Variants in NELL2 observed in about 807,000 individuals in gnomAD.
NELL2 encodes the protein neural EGFL like 2, also known as protein kinase C-binding protein NELL2.
A neutral mutation model predicts 109.6 loss-of-function variants in NELL2; 41 were observed. The observed-to-expected ratio is 0.37, with a 90% CI of 0.29 to 0.49. NELL2 has a LOEUF of 0.49. Among genes scored for constraint, NELL2 ranks in the 20% least tolerant of loss-of-function variants. The pLI is 0.98. For missense variants in NELL2, 900 were observed against 1,008.3 expected, an observed-to-expected ratio of 0.89 and a Z score of 1.45; for synonymous variants, 355 against 344.7, an observed-to-expected ratio of 1.03 and a Z score of -0.33.
intron 15 of NELL2, among the ~76,000 whole-genome samples, chr12:44,587,487 T>C (rs1279305411): frequency 6.6e-6 from 1 of 151,856 alleles, no homozygotes; most frequent in African/African-American, 2.4e-5. Context: ...TGTATTTTCA[T>C]AGCTTGGCCA....
intron 8 of NELL2, among the ~76,000 whole-genome samples, chr12:44,775,558 T>C (rs998346961): frequency 6.6e-6 from 1 of 152,234 alleles, no homozygotes; most frequent in African/African-American, 2.4e-5. Context: ...CTTTATAATT[T>C]GTATTCCACT....
chr12:44,595,868 A>G (rs1421432487), intron 15 of NELL2, among the ~76,000 whole-genome samples: 2 of 152,174 alleles, frequency 1.3e-5, no homozygotes. Context: ...TAACACTTGA[A>G]AGTATATTTT....
chr12:44,813,230 C>G (rs531937647), intron 3 of NELL2, among the ~76,000 whole-genome samples: 159 of 152,274 alleles, frequency 1.0e-3, no homozygotes, highest in African/African-American at 3.7e-3. Context: ...ATGAACTAAT[C>G]ACATGTAATG....
At chr12:44,610,628 C>T (rs1320083002) in intron 14 of NELL2, among the ~76,000 whole-genome samples, 2 of 151,904 alleles carry the variant, frequency 1.3e-5, no homozygotes, top group South Asian at 4.1e-4. Flanking sequence ...GGTCAAGGAA[C>T]ATTAGGTCAA....
At chr12:44,645,267 C>T (rs1947053220) in intron 13 of NELL2, among the ~76,000 whole-genome samples, 1 of 151,998 alleles carries the variant, frequency 6.6e-6, no homozygotes, top group Admixed American at 6.6e-5. Flanking sequence ...GAACATGGGC[C>T]AATTTTTTAC....
chr12:44,885,270 T>C (rs1592703512), intron 1 of NELL2, among the ~76,000 whole-genome samples: 1 of 151,790 alleles, frequency 6.6e-6, no homozygotes, highest in South Asian at 2.1e-4. Flanking sequence ...TAAAGCAAGA[T>C]TATGTTTCAG....
chr12:44,553,595 A>G (rs193079284), intron 15 of NELL2, among the ~76,000 whole-genome samples: 1 of 152,334 alleles, frequency 6.6e-6, no homozygotes, highest in Admixed American at 6.5e-5. Context: ...ATGAATGCTT[A>G]AAATAAGTAG....
chr12:44,686,253 T>C (rs888560419), intron 12 of NELL2, among the ~76,000 whole-genome samples: 1 of 152,206 alleles, frequency 6.6e-6, no homozygotes, highest in Admixed American at 6.5e-5. Context: ...CGAGCCTTGG[T>C]TTTCAGCTCC....
intron 15 of NELL2, among the ~76,000 whole-genome samples, chr12:44,583,094 T>C (rs1373234524): frequency 6.6e-6 from 1 of 152,186 alleles, no homozygotes; most frequent in Non-Finnish European, 1.5e-5. Context: ...TTACCCAGTA[T>C]GTGGTATTCT....
At chr12:44,632,586 T>A (rs1946492528) in intron 13 of NELL2, among the ~76,000 whole-genome samples, 1 of 152,060 alleles carries the variant, frequency 6.6e-6, no homozygotes, top group South Asian at 2.1e-4. Context: ...TCTGACATAC[T>A]TGAGGCACTC....
At chr12:44,639,414 C>T (rs1946765997) in intron 13 of NELL2, among the ~76,000 whole-genome samples, 1 of 152,160 alleles carries the variant, frequency 6.6e-6, no homozygotes, top group Admixed American at 6.6e-5. Context: ...ACCCGCAGCG[C>T]ACTCATAAAT....
At chr12:44,787,879 T>C (rs1056869410) in intron 3 of NELL2, among the ~76,000 whole-genome samples, 2 of 152,094 alleles carry the variant, frequency 1.3e-5, no homozygotes, top group East Asian at 3.9e-4. Flanking sequence ...GGATAAAATG[T>C]TAGGGATTTA....
At chr12:44,515,051 AAAG>A (rs1187310643) in intron 19 of NELL2, among the ~76,000 whole-genome samples, 5 of 151,734 alleles carry the variant, frequency 3.3e-5, no homozygotes, top group African/African-American at 9.7e-5. Flanking sequence ...TATTAAAGAA[AAAG>A]AAGGCAGGAA....
chr12:44,523,439 G>T lies in NELL2; in HGVS notation c.1850C>A (p.Thr617Asn). ...TCCGCCATCCAAATTGAAGCAAATG[G>T]TATCATTGGCACAGCTGTGCCTCCC... ...GTGRHSCAND[T>N]ICFNLDGGYD... Residue 617 changes from threonine (T) to asparagine (N), a missense_variant, in exon 17 of 20, where the codon ACC becomes AAC. By Grantham distance (65) the Thr-to-Asn change is moderately conservative (BLOSUM62 0). This residue lies in a region of NELL2 where 333 missense variants were observed against 432.3 expected (regional missense o/e 0.77). Coordinates refer to ENST00000429094, the MANE Select transcript of NELL2 (RefSeq NM_001145108.2). 3.1e-6 allele frequency: 5 copies of T among 1,613,914 alleles called. No individual in the cohort carries two copies. The highest frequency in any genetic ancestry group is 4.2e-6 in the Non-Finnish European group (5 of 1,179,974).
At chr12:44,677,883 C>T (rs1948370232) in intron 12 of NELL2, among the ~76,000 whole-genome samples, 1 of 151,586 alleles carries the variant, frequency 6.6e-6, no homozygotes, top group Non-Finnish European at 1.5e-5. Context: ...TAGTTTTAAA[C>T]AGGTTGAATT....
chr12:44,625,931 T>C (rs1336598034), intron 13 of NELL2, among the ~76,000 whole-genome samples: 1 of 151,850 alleles, frequency 6.6e-6, no homozygotes, highest in Admixed American at 6.6e-5. Context: ...GACAATTCTA[T>C]ATTACCTAAG....
Position 44,665,520 on chromosome 12 carries a change from T to C in NELL2, c.1408A>G (p.Thr470Ala). ...TAATCATCAATTCTGATGTATCCAG[T>C]TTTGCAGATGCACATAAAAGAACCC... ...TPGSFMCICK[T>A]GYIRIDDYSC... Residue 470 changes from threonine to alanine, a missense_variant, in exon 13 of 20, where the codon ACT (threonine) becomes GCT (alanine). Physicochemically the swap from Thr to Ala is moderately conservative, Grantham distance 58. This residue lies in a region of NELL2 where 292 missense variants were observed against 265.3 expected (regional missense o/e 1.10). Transcript: ENST00000429094. The C allele has an allele frequency of 6.2e-7, 1 of 1,613,622 alleles. No individual in the cohort carries two copies. The highest frequency in any genetic ancestry group is 1.1e-5 in the South Asian group (1 of 91,062).
chr12:44,671,909 T>C (rs868323514), intron 12 of NELL2, among the ~76,000 whole-genome samples: 6 of 152,178 alleles, frequency 3.9e-5, no homozygotes, highest in African/African-American at 1.4e-4. Flanking sequence ...CAAGTCCATG[T>C]GCACAAAGAT....
chr12:44,745,053 C>A (rs528404081), intron 9 of NELL2, among the ~76,000 whole-genome samples: 37 of 152,274 alleles, frequency 2.4e-4, no homozygotes, highest in African/African-American at 8.7e-4. Context: ...GAAAATCCTA[C>A]ATAAAATACT....
Sources: gnomAD v4.1 joint callset for allele counts (sites outside exome capture counted in the v4.1 genomes callset) on GRCh38, gnomAD v4.1.1 for gene constraint, gnomAD v4.1.1 regional missense constraint, MANE v1.5 for transcripts, NCBI Gene and HGNC (gene_info 2026-07-23, HGNC 2026-07-21) for gene names.